Variants in GAD2 observed in about 807,000 individuals in gnomAD.
GAD2 encodes the protein glutamate decarboxylase 2, also known as 65 kDa glutamic acid decarboxylase.
GAD2 carries 22 observed loss-of-function variants against 80.1 expected under a neutral mutation model. The observed-to-expected ratio is 0.27, with a 90% confidence interval of 0.20 to 0.39. GAD2 has a LOEUF of 0.39. Among genes scored for constraint, GAD2 ranks in the 10% least tolerant of loss-of-function variants. The pLI, the probability that GAD2 is intolerant of heterozygous loss-of-function variation, is 1.00. For synonymous variants in GAD2, 274 were observed against 256.9 expected, an observed-to-expected ratio of 1.07 and a Z score of -0.64; for missense variants, 624 against 738.4, an observed-to-expected ratio of 0.85 and a Z score of 1.80.
intron 8 of GAD2, among the ~76,000 whole-genome samples, chr10:26,257,348 G>A (rs546159714): frequency 4.9e-4 from 74 of 152,358 alleles, no homozygotes; most frequent in African/African-American, 1.8e-3. Context: ...CTGCCCTCCA[G>A]CCTGGGAGAC....
rs2839671 is a variant in GAD2, at chr10:26,216,893, G to A, written c.76+8G>A. ...CCGAGAATCCCGGCACAGGTAGGAA[G>A]GAGAACGGGGGCCTGCGGCGGGCGA... On this transcript the variant is annotated splice_region_variant and intron_variant, in intron 1 of 15. Transcript: ENST00000376261. This position sits in a 1 kb window ranked among gnomAD's most constrained non-coding sequence, Gnocchi z 4.7. 301,432 of 1,604,314 alleles carry A rather than the reference G, an allele frequency of 0.19. 29,961 individuals are homozygous for A. Among genetic ancestry groups the A allele is most frequent in the East Asian group, 0.35 (15,627 of 44,032 alleles).
intron 11 of GAD2, among the ~76,000 whole-genome samples, chr10:26,279,774 G>C (rs1042026879): frequency 8.5e-5 from 13 of 152,200 alleles, no homozygotes; most frequent in Admixed American, 4.6e-4. Flanking sequence ...TTTCCCCAAG[G>C]CATGAGGCAA....
At chr10:26,247,261 G>C (rs555667349) in intron 8 of GAD2, among the ~76,000 whole-genome samples, 1 of 152,180 alleles carries the variant, frequency 6.6e-6, no homozygotes, top group Non-Finnish European at 1.5e-5. Flanking sequence ...AACTGTCATA[G>C]TGCTGGTGAG....
At chr10:26,231,163 T>C (rs1564657742) in intron 7 of GAD2, among the ~76,000 whole-genome samples, 1 of 152,152 alleles carries the variant, frequency 6.6e-6, no homozygotes, top group Non-Finnish European at 1.5e-5. Flanking sequence ...GGAATACAGC[T>C]GCCTCAGAGA....
intron 14 of GAD2, 25 bp from the exon 15 acceptor site, chr10:26,292,877 G>A (rs1336471472): frequency 1.2e-6 from 2 of 1,600,016 alleles, no homozygotes; most frequent in Non-Finnish European, 1.7e-6. Flanking sequence ...TGGGCCAAAT[G>A]TGAATCTTCC....
chr10:26,220,176 C>T (rs1844435359), intron 4 of GAD2, among the ~76,000 whole-genome samples: 1 of 152,108 alleles, frequency 6.6e-6, no homozygotes, highest in Non-Finnish European at 1.5e-5. Flanking sequence ...GCTGACACTT[C>T]ATTACGGCAA....
chr10:26,294,592 A>G (rs1202469981), intron 15 of GAD2, among the ~76,000 whole-genome samples: 1 of 152,226 alleles, frequency 6.6e-6, no homozygotes, highest in Non-Finnish European at 1.5e-5. Flanking sequence ...TCCAATGTGC[A>G]CCTCAGCTAG....
intron 6 of GAD2, among the ~76,000 whole-genome samples, chr10:26,228,667 T>G (rs1844559728): frequency 6.6e-6 from 1 of 152,048 alleles, no homozygotes; most frequent in South Asian, 2.1e-4. Flanking sequence ...CCACATGAGA[T>G]TCTCATAGGA....
intron 8 of GAD2, among the ~76,000 whole-genome samples, chr10:26,255,001 G>A (rs1271382595): frequency 6.6e-6 from 1 of 152,226 alleles, no homozygotes; most frequent in Non-Finnish European, 1.5e-5. Context: ...AGTTTGACGA[G>A]GTTATGAGAC....
chr10:26,293,073 C>T (rs1371403539), intron 15 of GAD2, 82 bp downstream of exon 15: 1 of 1,144,926 alleles, frequency 8.7e-7, no homozygotes, highest in Non-Finnish European at 1.3e-6. Flanking sequence ...TGCCTGTGGC[C>T]TTAGGAGACA....
intron 15 of GAD2, 87 bp downstream of exon 15, chr10:26,293,078 G>T (rs1834236549): frequency 9.2e-7 from 1 of 1,084,266 alleles, no homozygotes; most frequent in East Asian, 2.4e-5. Context: ...GTGGCCTTAG[G>T]AGACAGCCTA....
chr10:26,284,798 T>C (rs1035650576), intron 12 of GAD2, among the ~76,000 whole-genome samples: 2 of 152,108 alleles, frequency 1.3e-5, no homozygotes, highest in Non-Finnish European at 2.9e-5. Flanking sequence ...TTCAATCTCC[T>C]GACCTTGTGA....
At chr10:26,231,753 T>C (rs1377958627) in intron 7 of GAD2, among the ~76,000 whole-genome samples, 2 of 152,186 alleles carry the variant, frequency 1.3e-5, no homozygotes, top group Non-Finnish European at 2.9e-5. Flanking sequence ...CTCTGGAAGA[T>C]TCCGTTTCCT....
At chr10:26,286,202 T>C (rs1845329330) in intron 12 of GAD2, 143 bp from the exon 13 acceptor site, 2 of 751,164 alleles carry the variant, frequency 2.7e-6, no homozygotes, top group African/African-American at 1.8e-5. Context: ...TTGCCCCCAT[T>C]CTTTTTTTTA....
intron 11 of GAD2, among the ~76,000 whole-genome samples, chr10:26,280,579 A>G (rs941271635): frequency 2.6e-5 from 4 of 152,140 alleles, no homozygotes; most frequent in South Asian, 2.1e-4. Context: ...GGGTAACTGA[A>G]TAGGATGGGA....
chr10:26,271,944 G>C (rs1845142428), intron 10 of GAD2, among the ~76,000 whole-genome samples: 1 of 152,064 alleles, frequency 6.6e-6, no homozygotes, highest in South Asian at 2.1e-4. Context: ...AATTTTAGTA[G>C]AGATGGGATT....
chr10:26,229,346 A>G lies in GAD2; in HGVS notation c.725-316A>G, dbSNP rs534026135. Among the ~76,000 whole-genome samples the G allele has an allele frequency of 3.9e-5, 6 of 152,254 alleles. No individual in the cohort carries two copies. In the East Asian group the frequency reaches 1.2e-3, roughly 29 times the overall value. On this transcript the variant is annotated intron_variant, in intron 6 of 15. Transcript: ENST00000376261. ...AATTTTACACACCTAGTGCAGAATGACCATGCTCACAAGCTGGGATGGAGG... is the reference window on the plus strand; with the variant it reads ...AATTTTACACACCTAGTGCAGAATGGCCATGCTCACAAGCTGGGATGGAGG...
At chr10:26,241,757 A>G (rs1474649262) in intron 7 of GAD2, among the ~76,000 whole-genome samples, 1 of 152,128 alleles carries the variant, frequency 6.6e-6, no homozygotes, top group Non-Finnish European at 1.5e-5. Context: ...AACTCTATAA[A>G]TAGCTTCCTT....
intron 3 of GAD2, chr10:26,218,296 G>A (rs531869239): frequency 2.5e-5 from 8 of 315,218 alleles, no homozygotes; most frequent in African/African-American, 1.1e-4. Context: ...ATCGATGACG[G>A]CTGGCTTCCC....
Sources: allele counts gnomAD v4.1 joint callset (sites outside exome capture counted in the v4.1 genomes callset), GRCh38; gene constraint gnomAD v4.1.1; non-coding constraint Gnocchi (gnomAD v3.1); transcripts MANE v1.5; gene names NCBI Gene and HGNC (gene_info 2026-07-23, HGNC 2026-07-21).